The following TBC1D1 variants were observed in gnomAD, a reference collection of about 807,000 sequenced individuals.
The protein encoded by TBC1D1 is TBC1 (tre-2/USP6, BUB2, cdc16) domain family, member 1.
In TBC1D1, 89 loss-of-function variants were observed where a neutral mutation model predicts 125.6. The observed-to-expected ratio is 0.71, with a 90% confidence interval of 0.60 to 0.85. TBC1D1 has a LOEUF of 0.85. Among genes scored for constraint, TBC1D1 ranks in the 40% least tolerant of loss-of-function variants. TBC1D1 has a pLI of 0.00. For synonymous variants in TBC1D1, 565 were observed against 564.1 expected (o/e 1.00, Z -0.02); for missense variants, 1,377 against 1,469.2 (o/e 0.94, Z 1.03).
intron 2 of TBC1D1, among the ~76,000 whole-genome samples, chr4:37,969,512 AT>A (rs1240703000): frequency 1.3e-5 from 2 of 152,088 alleles, no homozygotes; most frequent in Non-Finnish European, 2.9e-5. Flanking sequence ...TGCCTGGCTA[AT>A]TTTTGTATTT....
Position 38,045,825 on chromosome 4 carries a change from A to T in TBC1D1, c.1551A>T (p.Lys517Asn). Residue 517 changes from lysine to asparagine, a missense_variant, in exon 10 of 20, where the codon AAA (lysine) becomes AAT (asparagine). This residue lies in a region of TBC1D1 where 822 missense variants were observed against 824.6 expected (regional missense o/e 1.00). Coordinates refer to ENST00000261439, the MANE Select transcript of TBC1D1 (RefSeq NM_015173.4). ...GCCTTTTCTTTATGTAGGGTAATAA[A>T]GCCAGAGGCCTGCAGGAACACTCCA... 6.2e-7 allele frequency: 1 copy of T among 1,614,130 alleles called. No individual in the cohort carries two copies. Among genetic ancestry groups the T allele is most frequent in the Non-Finnish European group, 8.5e-7 (1 of 1,179,966 alleles).
chr4:38,103,338 AT>A (rs1490933301), intron 15 of TBC1D1, among the ~76,000 whole-genome samples, 181 bp downstream of exon 17: 3 of 152,174 alleles, frequency 2.0e-5, no homozygotes, highest in African/African-American at 7.2e-5. Context: ...GCATATAAAA[AT>A]CTCTGTATTT....
At chr4:37,918,687 G>A (rs548709854) in intron 2 of TBC1D1, among the ~76,000 whole-genome samples, 32 of 152,126 alleles carry the variant, frequency 2.1e-4, no homozygotes, top group African/African-American at 7.7e-4. Flanking sequence ...ACCTCAGGTG[G>A]CCCGCCTGCC....
Position 38,090,007 on chromosome 4 carries a change from C to T in TBC1D1, c.2126C>T (p.Pro709Leu). 1.2e-6 allele frequency: 2 copies of T among 1,614,118 alleles called. No homozygotes were observed. The highest frequency in any genetic ancestry group is 1.7e-6 in the Non-Finnish European group (2 of 1,179,998). ...TGTGAAGATGGGCCCTTTGGCCCCC[C>T]ACCAGAGGAAAAGAAAAGGACATCT... Residue 709 changes from proline to leucine, a missense_variant, in exon 13 of 20, where the codon CCA becomes CTA. By Grantham distance (98) the Pro-to-Leu change is moderately conservative. Around this residue, in one of 3 missense-constraint regions of TBC1D1, gnomAD observed 543 missense variants for 613.5 expected, o/e 0.89. Coordinates refer to ENST00000261439, the MANE Select transcript of TBC1D1 (RefSeq NM_015173.4).
At chr4:38,116,138 C>T (rs1276839556) in intron 16 of TBC1D1, among the ~76,000 whole-genome samples, 184 bp downstream of exon 18, 5 of 139,850 alleles carry the variant, frequency 3.6e-5, no homozygotes, top group African/African-American at 5.4e-5. Context: ...CTAAGGAAGA[C>T]ACTGTTCATC....
intron 7 of TBC1D1, among the ~76,000 whole-genome samples, chr4:38,035,204 T>C (rs1746974298): frequency 6.6e-6 from 1 of 152,262 alleles, no homozygotes. Context: ...ATCCCGTTGC[T>C]GTTTTCCTTG....
intron 2 of TBC1D1, among the ~76,000 whole-genome samples, chr4:37,958,772 G>A (rs1191951090): frequency 6.6e-6 from 1 of 152,164 alleles, no homozygotes; most frequent in Non-Finnish European, 1.5e-5. Context: ...CCTGCTAATG[G>A]TATAATGAGA....
At chr4:38,042,609 C>T (rs1335825007) in intron 8 of TBC1D1, among the ~76,000 whole-genome samples, 2 of 152,064 alleles carry the variant, frequency 1.3e-5, no homozygotes, top group Non-Finnish European at 2.9e-5. Context: ...GACAGCTCTG[C>T]GAGGAAAGTT....
chr4:38,100,117 G>A (rs139659162), intron 14 of TBC1D1, among the ~76,000 whole-genome samples: 451 of 152,222 alleles, frequency 3.0e-3, no homozygotes, highest in African/African-American at 9.8e-3. Flanking sequence ...GAGGGTGTGC[G>A]TGTGTGTGTA....
intron 12 of TBC1D1, among the ~76,000 whole-genome samples, chr4:38,078,712 G>T (rs993063608): frequency 6.6e-6 from 1 of 152,180 alleles, no homozygotes; most frequent in South Asian, 2.1e-4. Flanking sequence ...CTGCCACCCT[G>T]ATCTTGGACT....
chr4:38,058,296 G>A (rs1335490386), intron 12 of TBC1D1, among the ~76,000 whole-genome samples: 1 of 152,168 alleles, frequency 6.6e-6, no homozygotes, highest in Non-Finnish European at 1.5e-5. Context: ...TGACCACTTT[G>A]ACCCACACTA....
intron 12 of TBC1D1, among the ~76,000 whole-genome samples, chr4:38,061,905 A>G (rs1283805932): frequency 6.6e-6 from 1 of 152,234 alleles, no homozygotes; most frequent in Non-Finnish European, 1.5e-5. Flanking sequence ...ATAGTTTTCA[A>G]TAATTTACGT....
intron 2 of TBC1D1, among the ~76,000 whole-genome samples, chr4:37,949,958 A>C (rs1727496113): frequency 6.6e-6 from 1 of 151,932 alleles, no homozygotes; most frequent in South Asian, 2.1e-4. Flanking sequence ...TTGCACCGAG[A>C]GGTAACCCAT....
chr4:38,083,637 G>T (rs752865737), intron 12 of TBC1D1, among the ~76,000 whole-genome samples: 1 of 152,098 alleles, frequency 6.6e-6, no homozygotes, highest in African/African-American at 2.4e-5. Context: ...TGCAGATTTC[G>T]CAGATTAGGA....
At chr4:38,031,457 T>G (rs1746115930) in intron 7 of TBC1D1, among the ~76,000 whole-genome samples, 1 of 152,178 alleles carries the variant, frequency 6.6e-6, no homozygotes, top group South Asian at 2.1e-4. Context: ...CTGAAAACTT[T>G]AAGTTTTAAG....
chr4:37,892,348 C>T (rs767848088), intron 1 of TBC1D1, among the ~76,000 whole-genome samples: 13 of 151,956 alleles, frequency 8.6e-5, no homozygotes, highest in Non-Finnish European at 1.8e-4. Flanking sequence ...CCCAGGAGTT[C>T]GAGGCCATAG....
At chr4:37,951,907 G>A in intron 2 of TBC1D1, 1 of 710,880 alleles carries the variant, frequency 1.4e-6, no homozygotes, top group South Asian at 1.5e-5. Flanking sequence ...GTGATAATGG[G>A]TATGTACTTT....
intron 2 of TBC1D1, among the ~76,000 whole-genome samples, chr4:37,920,979 G>A (rs1011518722): frequency 3.3e-5 from 5 of 151,838 alleles, no homozygotes; most frequent in South Asian, 2.1e-4. Flanking sequence ...GCATGGTGGC[G>A]GGTGCCTGTA....
At chr4:38,075,491 C>T (rs927759803) in intron 12 of TBC1D1, among the ~76,000 whole-genome samples, 1 of 152,180 alleles carries the variant, frequency 6.6e-6, no homozygotes, top group Non-Finnish European at 1.5e-5. Context: ...TATAACTCAG[C>T]GAACATTGTG....
Sources: allele counts gnomAD v4.1 joint callset (sites outside exome capture counted in the v4.1 genomes callset), GRCh38; gene constraint gnomAD v4.1.1; regional missense constraint gnomAD v4.1.1; transcripts MANE v1.5; gene names NCBI Gene and HGNC (gene_info 2026-07-23, HGNC 2026-07-21).